The following LTBP2 variants were observed in gnomAD, a reference collection of about 807,000 sequenced individuals.
LTBP2 encodes latent-transforming growth factor beta-binding protein 2.
A neutral mutation model predicts 210.6 loss-of-function variants in LTBP2; 103 were observed. The observed-to-expected ratio is 0.49, with a 90% CI of 0.42 to 0.58. The LOEUF is 0.58. Ranked by LOEUF, LTBP2 falls within the 20% of genes least tolerant of loss-of-function variation. The pLI is 0.00. For missense variants in LTBP2, 2,313 were observed against 2,494.5 expected (o/e 0.93, Z 1.55); for synonymous variants, 1,007 against 1,015.0 (o/e 0.99, Z 0.15).
chr14:74,575,236 C>T (rs1009600103), intron 3 of LTBP2, among the ~76,000 whole-genome samples: 1 of 152,232 alleles, frequency 6.6e-6, no homozygotes, highest in Non-Finnish European at 1.5e-5. Context: ...GGCCTGACCT[C>T]CATGGATCTC....
chr14:74,552,328 C>T lies in LTBP2; in HGVS notation c.1258G>A (p.Ala420Thr), dbSNP rs770618228. The T allele has an allele frequency of 1.7e-5, 27 of 1,612,300 alleles. No individual in the cohort carries two copies. The South Asian group carries it at 1.8e-4, about 10-fold the overall frequency. Residue 420 changes from alanine to threonine, a missense_variant, in exon 6 of 36, where the codon GCC (alanine) becomes ACC (threonine). Transcript: ENST00000261978. ...TGGCAGAACTTCCCGGTGGAGTTGG[C>T]GGGGCACCAGCATTCGTCCCTGCCG... is the stretch of plus-strand genomic sequence containing the variant. ...CIGRDECWCP[A>T]NSTGKFCHLP...
At chr14:74,508,569 C>T (rs1247160545) in intron 24 of LTBP2, 35 bp downstream of exon 24, 1 of 1,593,376 alleles carries the variant, frequency 6.3e-7, no homozygotes, top group Non-Finnish European at 8.5e-7. Context: ...TTCCCATGCT[C>T]CTGGCCAGTA....
intron 18 of LTBP2, among the ~76,000 whole-genome samples, chr14:74,515,897 C>A (rs1217548691): frequency 6.6e-6 from 1 of 152,176 alleles, no homozygotes; most frequent in Non-Finnish European, 1.5e-5. Flanking sequence ...GGGCTGAAGG[C>A]AGAGCTGTCT....
Position 74,555,532 on chromosome 14 carries a change from A to G in LTBP2, c.992T>C (p.Val331Ala). 6.2e-7 allele frequency: 1 copy of G among 1,613,476 alleles called. No homozygotes were observed. The highest frequency in any genetic ancestry group is 8.5e-7 in the Non-Finnish European group (1 of 1,179,652). ...LEQRDGTQQA[V>A]PLEHPSSPWG... ...GGGGGATGAGGGGTGCTCCAGAGGT[A>G]CCGCCTGTTGGGTGCCATCTCTCTG... Residue 331 changes from valine (V) to alanine (A), a missense_variant, in exon 4 of 36, where the codon GTA (valine) becomes GCA (alanine). Coordinates refer to ENST00000261978, the MANE Select transcript of LTBP2 (RefSeq NM_000428.3).
Position 74,569,875 on chromosome 14 carries a change from C to A in LTBP2, c.831-14182G>T, listed in dbSNP as rs187640336. 3.3e-5 allele frequency among the ~76,000 whole-genome samples: 5 copies of A among 152,210 alleles called. No individual in the cohort carries two copies. In the East Asian group the frequency reaches 9.7e-4, roughly 29 times the overall value. Reference sequence around the variant, plus strand: ...GGCCCAAGCTCACGTATCTCATGAACGGCAAAACCCACAGTCCTAAAGCTC... The same window carrying A: ...GGCCCAAGCTCACGTATCTCATGAAAGGCAAAACCCACAGTCCTAAAGCTC... On this transcript the variant is annotated intron_variant, in intron 3 of 35. Coordinates refer to ENST00000261978, the MANE Select transcript of LTBP2 (RefSeq NM_000428.3).
intron 4 of LTBP2, among the ~76,000 whole-genome samples, chr14:74,553,685 G>A (rs375978772): frequency 5.3e-5 from 8 of 152,090 alleles, no homozygotes; most frequent in Admixed American, 3.3e-4. Flanking sequence ...TGGGGGGTCC[G>A]GAGGCAGGGT....
intron 3 of LTBP2, among the ~76,000 whole-genome samples, chr14:74,576,021 C>A (rs930801494): frequency 2.0e-5 from 3 of 152,172 alleles, no homozygotes; most frequent in Non-Finnish European, 4.4e-5. Flanking sequence ...ACAGCTGCCA[C>A]AACCCCCTGT....
chr14:74,572,665 G>T (rs1258552648), intron 3 of LTBP2, among the ~76,000 whole-genome samples: 4 of 152,056 alleles, frequency 2.6e-5, no homozygotes, highest in Non-Finnish European at 5.9e-5. Context: ...AGCTCAAAAG[G>T]AGAATTCACG....
chr14:74,527,591 G>A lies in LTBP2; in HGVS notation c.2369-225C>T, dbSNP rs183082418. ...CCCAGGTCTGGAGGGCCTGAAGATA[G>A]CTTAGTGAAGCCTCTCACTTGGTAA... is the stretch of plus-strand genomic sequence containing the variant. On this transcript the variant is annotated intron_variant, in intron 12 of 35. Transcript: ENST00000261978. Among the ~76,000 whole-genome samples the A allele has an allele frequency of 5.8e-3, 883 of 152,352 alleles. 5 individuals are homozygous for A. The highest frequency in any genetic ancestry group is 0.014 in the Middle Eastern group (4 of 294).
chr14:74,581,251 T>C (rs2088132931), intron 3 of LTBP2, among the ~76,000 whole-genome samples: 3 of 152,220 alleles, frequency 2.0e-5, no homozygotes, highest in Admixed American at 6.5e-5. Context: ...TTGGCCCCCA[T>C]GATCTCTGTT....
chr14:74,516,605 C>T (rs1044265368), intron 18 of LTBP2, among the ~76,000 whole-genome samples: 1 of 152,150 alleles, frequency 6.6e-6, no homozygotes, highest in African/African-American at 2.4e-5. Flanking sequence ...GTTGTTCATG[C>T]TCCCCTGCTG....
Position 74,612,131 on chromosome 14 carries a change from C to T in LTBP2, c.-187G>A. 1.7e-6 allele frequency: 1 copy of T among 577,758 alleles called. No individual in the cohort carries two copies. The highest frequency in any genetic ancestry group is 4.0e-5 in the Admixed American group (1 of 24,972). The allele number at this position is 577,758 out of a possible 1,614,324, so 35.8% of individuals were successfully genotyped here. A position where few individuals can be genotyped will look rare whatever the true frequency, so the allele number is the denominator to read the frequency against. On this transcript the variant is annotated 5_prime_UTR_variant, in exon 1 of 36. Transcript: ENST00000261978. ...AACGAGGGCTGCGCGCCCCGAGCCTCGAGTCCGCGCTCCTACTCCAGCTGG... is the reference window on the plus strand; with the variant it reads ...AACGAGGGCTGCGCGCCCCGAGCCTTGAGTCCGCGCTCCTACTCCAGCTGG...
chr14:74,596,266 A>AAATAAAT (rs1566653999), intron 2 of LTBP2, among the ~76,000 whole-genome samples: 57 of 76,690 alleles, frequency 7.4e-4, no homozygotes, highest in Non-Finnish European at 3.4e-4. Context: ...AATAAATAAA[A>AAATAAAT]ATTAAAAACA....
At chr14:74,523,807 C>T (rs862036) in intron 15 of LTBP2, among the ~76,000 whole-genome samples, 54,556 of 152,016 alleles carry the variant, frequency 0.36, 9,971 homozygotes, top group East Asian at 0.55. Context: ...GTCCCTGCCC[C>T]GCCCCCATAG....
intron 3 of LTBP2, among the ~76,000 whole-genome samples, chr14:74,559,074 G>A (rs1282916908): frequency 6.6e-6 from 1 of 152,128 alleles, no homozygotes; most frequent in Non-Finnish European, 1.5e-5. Context: ...AGAAAAATAC[G>A]CCAGAATTTT....
rs1343378951 is a variant in LTBP2 at position 74,540,831 on chromosome 14, A to T, written c.1790-4831T>A. The stretch of plus-strand genomic sequence containing the variant: ...TATAATATATATATATTTTTATATA[A>T]TATATATTTATATATATTATATATA... On this transcript the variant is annotated intron_variant, in intron 8 of 35. Transcript: ENST00000261978. 5.0e-3 allele frequency among the ~76,000 whole-genome samples: 44 copies of T among 8,792 alleles called. 1 individual carries two copies. The highest frequency in any genetic ancestry group is 0.016 in the Non-Finnish European group (6 of 380). 5.8% of individuals were successfully genotyped at this position (8,792 alleles called of 152,430 possible).
chr14:74,527,997 G>A (rs2087296416), intron 12 of LTBP2, among the ~76,000 whole-genome samples: 2 of 152,192 alleles, frequency 1.3e-5, no homozygotes. Flanking sequence ...GGTTTTCAGG[G>A]CACTTGCAAG....
chr14:74,546,523 T>C (rs2087578265), intron 8 of LTBP2, among the ~76,000 whole-genome samples: 2 of 152,188 alleles, frequency 1.3e-5, no homozygotes, highest in Non-Finnish European at 2.9e-5. Flanking sequence ...CTGGTCTTTG[T>C]TATTTCTTGC....
chr14:74,549,761 C>T, intron 8 of LTBP2, 102 bp downstream of exon 8: 1 of 969,144 alleles, frequency 1.0e-6, no homozygotes, highest in Non-Finnish European at 1.7e-6. Context: ...GCCTGTTCTA[C>T]CTGCCTGGCC....
Sources: gnomAD v4.1 joint callset for allele counts (sites outside exome capture counted in the v4.1 genomes callset) on GRCh38, gnomAD v4.1.1 for gene constraint, MANE v1.5 for transcripts, NCBI Gene and HGNC (gene_info 2026-07-23, HGNC 2026-07-21) for gene names.